Variants in LHFPL2 observed in about 807,000 individuals in gnomAD.
The protein encoded by LHFPL2 is LHFPL tetraspan subfamily member 2 protein.
LHFPL2 carries 7 observed loss-of-function variants against 17.5 expected under a neutral mutation model. The ratio of observed to expected loss-of-function variants is 0.40; its 90% CI spans 0.23 to 0.75. LHFPL2 has a LOEUF of 0.75. LHFPL2 is among the 30% of genes least tolerant of loss of function. The probability of loss-of-function intolerance (pLI) is 0.37; values close to 1 mark genes in which losing one functional copy is unlikely to be tolerated. For missense variants in LHFPL2, 241 were observed against 294.8 expected (o/e 0.82, Z 1.34); for synonymous variants, 134 against 116.2 (o/e 1.15, Z -0.99).
intron 4 of LHFPL2, among the ~76,000 whole-genome samples, chr5:78,499,893 A>G (rs1027542502): frequency 2.0e-5 from 3 of 152,168 alleles, no homozygotes; most frequent in African/African-American, 7.2e-5. Context: ...GGTCCGACCA[A>G]CTTCTAGAAA....
intron 1 of LHFPL2, among the ~76,000 whole-genome samples, chr5:78,635,689 G>C (rs1438016123): frequency 1.3e-5 from 2 of 152,130 alleles, no homozygotes; most frequent in African/African-American, 2.4e-5. Flanking sequence ...TGTAGTCCCA[G>C]CTACTTGGGA....
At chr5:78,646,697 T>G (rs1418657330) in intron 1 of LHFPL2, among the ~76,000 whole-genome samples, 1 of 152,194 alleles carries the variant, frequency 6.6e-6, no homozygotes, top group African/African-American at 2.4e-5. Context: ...TTCTATCATC[T>G]CCTACTATGG....
chr5:78,545,981 C>T (rs978280868), intron 3 of LHFPL2, among the ~76,000 whole-genome samples: 29 of 152,234 alleles, frequency 1.9e-4, no homozygotes, highest in African/African-American at 6.3e-4. Context: ...GAGAAAAATA[C>T]CCAAACTTTA....
chr5:78,635,141 ACT>A (rs901608459), intron 1 of LHFPL2, among the ~76,000 whole-genome samples: 4 of 151,978 alleles, frequency 2.6e-5, no homozygotes, highest in African/African-American at 7.3e-5. Flanking sequence ...ACCCATCCCC[ACT>A]CTGTTCTCAA....
chr5:78,619,475 G>A (rs1024648274), intron 2 of LHFPL2, among the ~76,000 whole-genome samples: 15 of 149,558 alleles, frequency 1.0e-4, no homozygotes, highest in Non-Finnish European at 2.1e-4. Flanking sequence ...CTATGCCTCA[G>A]AGTTTTTATT....
At position 78,509,771 on chromosome 5, in the gene LHFPL2, C is replaced by T; in HGVS notation, c.430+13G>A. ...CCCTCCATCCCACCGTGCCCGGGGT[C>T]CTGCCTTCTTACCTGCAATTCCTTG... On this transcript the variant is annotated intron_variant, in intron 4 of 4. Coordinates refer to ENST00000380345, the MANE Select transcript of LHFPL2 (RefSeq NM_005779.3). 6.2e-7 allele frequency: 1 copy of T among 1,603,250 alleles called. No homozygotes were observed. Among genetic ancestry groups the T allele is most frequent in the Non-Finnish European group, 8.5e-7 (1 of 1,171,808 alleles).
chr5:78,569,238 C>T lies in LHFPL2; in HGVS notation c.-244-4367G>A, dbSNP rs1466188679. Among the ~76,000 whole-genome samples, 3 of 152,206 alleles carry T rather than the reference C, an allele frequency of 2.0e-5. No individual in the cohort carries two copies. The East Asian group carries it at 5.8e-4, about 29-fold the overall frequency. On this transcript the variant is annotated intron_variant, in intron 2 of 4. Transcript: ENST00000380345. ...TGCTACTTTCACAAAACCATCCCTTCTACCTGACTAGGAAGAGCTCATTAT... is the reference window on the plus strand; with the variant it reads ...TGCTACTTTCACAAAACCATCCCTTTTACCTGACTAGGAAGAGCTCATTAT...
intron 3 of LHFPL2, among the ~76,000 whole-genome samples, chr5:78,526,130 C>A (rs1346480473): frequency 6.6e-6 from 1 of 152,054 alleles, no homozygotes; most frequent in Non-Finnish European, 1.5e-5. Context: ...GCCTCTGTAG[C>A]CCTGGCCCCC....
At chr5:78,561,772 T>A (rs1190337684) in intron 3 of LHFPL2, among the ~76,000 whole-genome samples, 1 of 152,146 alleles carries the variant, frequency 6.6e-6, no homozygotes, top group Non-Finnish European at 1.5e-5. Flanking sequence ...AGAAATCAGG[T>A]GAGATAGGTG....
chr5:78,496,173 C>T (rs922288618), intron 4 of LHFPL2, among the ~76,000 whole-genome samples: 2 of 152,220 alleles, frequency 1.3e-5, no homozygotes, highest in Non-Finnish European at 2.9e-5. Flanking sequence ...GATGATACAA[C>T]AGTATCCTAG....
At chr5:78,541,022 GA>G (rs1294838557) in intron 3 of LHFPL2, among the ~76,000 whole-genome samples, 2 of 152,196 alleles carry the variant, frequency 1.3e-5, no homozygotes, top group African/African-American at 4.8e-5. Context: ...AGGTCTCCAT[GA>G]GGGAAAATGG....
At chr5:78,515,651 G>A (rs909511693) in intron 3 of LHFPL2, among the ~76,000 whole-genome samples, 1 of 152,208 alleles carries the variant, frequency 6.6e-6, no homozygotes, top group Admixed American at 6.5e-5. Flanking sequence ...ATCTCCCAGA[G>A]GAGAATGACA....
Position 78,541,091 on chromosome 5 carries a change from G to A in LHFPL2, c.-186+23722C>T, listed in dbSNP as rs976065492. On this transcript the variant is annotated intron_variant, in intron 3 of 4. Coordinates refer to ENST00000380345, the MANE Select transcript of LHFPL2 (RefSeq NM_005779.3). ...AAAATCCTTTACCTCCCACTTAGAA[G>A]ATAACTTGTCCCTTAATTAACTGCT... 2.0e-5 allele frequency among the ~76,000 whole-genome samples: 3 copies of A among 152,174 alleles called. 1 individual carries two copies. The East Asian group carries it at 5.8e-4, about 29-fold the overall frequency.
chr5:78,499,404 C>T lies in LHFPL2; in HGVS notation c.431-10251G>A, dbSNP rs1754704945. Among the ~76,000 whole-genome samples, 5 of 152,176 alleles carry T rather than the reference C, an allele frequency of 3.3e-5. No homozygotes were observed. In the South Asian group the frequency reaches 1.0e-3, roughly 32 times the overall value. ...CCTATGAGGCTGATACTACTAATAT[C>T]ATTTGACATATGAGGAAACTGAGGC... On this transcript the variant is annotated intron_variant, in intron 4 of 4. Transcript: ENST00000380345.
At chr5:78,566,368 A>G (rs1325384122) in intron 2 of LHFPL2, among the ~76,000 whole-genome samples, 2 of 152,262 alleles carry the variant, frequency 1.3e-5, no homozygotes, top group Admixed American at 1.3e-4. Context: ...AATAAACTTG[A>G]AGATACTGGA....
At chr5:78,608,588 C>CA (rs10609753) in intron 2 of LHFPL2, among the ~76,000 whole-genome samples, 27,570 of 137,962 alleles carry the variant, frequency 0.2, 3,189 homozygotes, top group Non-Finnish European at 0.27. Context: ...ATTCTATTTG[C>CA]AAAAAAAAAA....
chr5:78,558,528 A>C (rs1756641624), intron 3 of LHFPL2, among the ~76,000 whole-genome samples: 1 of 124 alleles, frequency 8.1e-3, no homozygotes, highest in Non-Finnish European at 0.016. Context: ...TTCTTTTCAG[A>C]GACAGGTCTT....
At chr5:78,569,096 TTATTAAG>T (rs1756932468) in intron 2 of LHFPL2, among the ~76,000 whole-genome samples, 1 of 152,168 alleles carries the variant, frequency 6.6e-6, no homozygotes, top group East Asian at 1.9e-4. Context: ...ACCATCATTC[TTATTAAG>T]TATTATCTCC....
intron 2 of LHFPL2, among the ~76,000 whole-genome samples, chr5:78,602,839 C>A (rs1177768367): frequency 1.3e-5 from 2 of 152,072 alleles, no homozygotes; most frequent in African/African-American, 4.8e-5. Context: ...TAGCAATTAT[C>A]TTATTTAAAC....
Sources: gnomAD v4.1 joint callset for allele counts (sites outside exome capture counted in the v4.1 genomes callset) on GRCh38, gnomAD v4.1.1 for gene constraint, MANE v1.5 for transcripts, NCBI Gene and HGNC (gene_info 2026-07-23, HGNC 2026-07-21) for gene names.